MOB1B: variants seen among roughly 807,000 people sequenced by gnomAD.
MOB1B encodes the protein MOB kinase activator 1B, also known as MOB1 Mps One Binder homolog B.
In MOB1B, 19 loss-of-function variants were observed where a neutral mutation model predicts 24.4. That is an observed-to-expected ratio of 0.78 (90% CI 0.54 to 1.14). The LOEUF (loss-of-function observed/expected upper bound fraction) is 1.14, where lower values mean the gene tolerates loss of function less well. MOB1B is among the 50% of genes most tolerant of loss of function. MOB1B has a pLI of 0.00. For synonymous variants in MOB1B, 76 were observed against 82.1 expected, an observed-to-expected ratio of 0.93 and a Z score of 0.40; for missense variants, 243 against 259.6, an observed-to-expected ratio of 0.94 and a Z score of 0.44.
intron 1 of MOB1B, among the ~76,000 whole-genome samples, chr4:70,940,268 A>G (rs1208307369): frequency 6.6e-6 from 1 of 152,040 alleles, no homozygotes; most frequent in African/African-American, 2.4e-5. Context: ...ACCTAGGTCC[A>G]TGGGCACAGG....
chr4:70,976,640 AT>A (rs1230784715), intron 4 of MOB1B: 1 of 975,536 alleles, frequency 1.0e-6, no homozygotes, highest in Non-Finnish European at 1.2e-6. Context: ...TGAAAAAAAA[AT>A]GTGACAACAA....
intron 4 of MOB1B, chr4:70,976,531 A>G (rs1739003849): frequency 1.4e-5 from 14 of 985,206 alleles, no homozygotes; most frequent in Non-Finnish European, 1.7e-5. Context: ...TTAGATAGTC[A>G]TGTTTTTGCC....
At chr4:70,967,562 C>A (rs1738584565) in intron 2 of MOB1B, among the ~76,000 whole-genome samples, 1 of 151,978 alleles carries the variant, frequency 6.6e-6, no homozygotes, top group African/African-American at 2.4e-5. Context: ...TCTGAAAATC[C>A]CTTTTTGGAA....
intron 1 of MOB1B, among the ~76,000 whole-genome samples, chr4:70,919,182 T>A (rs2148872094): frequency 6.6e-6 from 1 of 151,956 alleles, no homozygotes; most frequent in East Asian, 1.9e-4. Flanking sequence ...CGGGGAGGGA[T>A]AGCATTAGGA....
intron 1 of MOB1B, among the ~76,000 whole-genome samples, chr4:70,948,045 T>G (rs1321092337): frequency 6.6e-6 from 1 of 152,236 alleles, no homozygotes; most frequent in African/African-American, 2.4e-5. Flanking sequence ...CTAGAAGTTT[T>G]ATAGTATTGT....
At chr4:70,925,889 C>T (rs1373277277) in intron 1 of MOB1B, among the ~76,000 whole-genome samples, 1 of 152,048 alleles carries the variant, frequency 6.6e-6, no homozygotes, top group Non-Finnish European at 1.5e-5. Context: ...GTTTTTTTCT[C>T]CTTCTGGATT....
In MOB1B at chr4:70,979,158, T is replaced by C. The variant is rs201445824; in HGVS notation, c.440T>C (p.Val147Ala). 235 of 1,613,662 alleles carry C rather than the reference T, an allele frequency of 1.5e-4. No homozygotes were observed. The highest frequency in any genetic ancestry group is 1.9e-4 in the Non-Finnish European group (226 of 1,179,774). Residue 147 changes from valine to alanine, a missense_variant, in exon 5 of 6, where the codon GTG becomes GCG. Val to Ala is a moderately conservative substitution (Grantham distance 64). Transcript: ENST00000309395. ...CCGTTCCCAAAGAATTTCATGTCTG[T>C]GGCAAAAACTATACTCAAACGCCTC... is the stretch of plus-strand genomic sequence containing the variant. ...GVPFPKNFMS[V>A]AKTILKRLFR...
intron 2 of MOB1B, among the ~76,000 whole-genome samples, chr4:70,966,177 C>T (rs1738524029): frequency 6.6e-6 from 1 of 152,004 alleles, no homozygotes; most frequent in African/African-American, 2.4e-5. Context: ...TGAATTGAAT[C>T]TAGTAACATT....
At chr4:70,935,213 A>G (rs1001478108) in intron 1 of MOB1B, among the ~76,000 whole-genome samples, 1 of 152,110 alleles carries the variant, frequency 6.6e-6, no homozygotes, top group African/African-American at 2.4e-5. Context: ...CCAACAAATG[A>G]CCCTATGTGG....
intron 1 of MOB1B, among the ~76,000 whole-genome samples, chr4:70,929,875 C>T (rs1027635623): frequency 5.9e-5 from 9 of 151,880 alleles, no homozygotes; most frequent in Non-Finnish European, 1.3e-4. Context: ...CCTTGTGATC[C>T]GCCCGCCTCG....
At chr4:70,948,251 T>C (rs1241994681) in intron 1 of MOB1B, among the ~76,000 whole-genome samples, 2 of 152,250 alleles carry the variant, frequency 1.3e-5, no homozygotes, top group African/African-American at 4.8e-5. Flanking sequence ...TCTATTTGTA[T>C]GGTCCACTGT....
intron 1 of MOB1B, among the ~76,000 whole-genome samples, chr4:70,920,218 TTCC>T (rs1220901129): frequency 2.0e-5 from 3 of 151,912 alleles, no homozygotes; most frequent in Admixed American, 6.6e-5. Flanking sequence ...CCTCTTCCTC[TTCC>T]TCCTCCTCCT....
intron 1 of MOB1B, among the ~76,000 whole-genome samples, chr4:70,912,301 A>T (rs1359628200): frequency 2.1e-5 from 3 of 145,050 alleles, no homozygotes; most frequent in Non-Finnish European, 4.5e-5. Flanking sequence ...TTTTTTTGAG[A>T]TGGAGTCTCA....
intron 1 of MOB1B, among the ~76,000 whole-genome samples, chr4:70,907,115 C>T (rs1175887974): frequency 6.6e-6 from 1 of 152,146 alleles, no homozygotes; most frequent in Admixed American, 6.5e-5. Flanking sequence ...TTCACTTCCA[C>T]GTTTGTGCAA....
chr4:70,920,413 TGG>T (rs1227545752), intron 1 of MOB1B, among the ~76,000 whole-genome samples: 1 of 152,018 alleles, frequency 6.6e-6, no homozygotes, highest in African/African-American at 2.4e-5. Context: ...TTAGTAGAGA[TGG>T]GGTTTTACCA....
At chr4:70,922,945 A>T (rs529266812) in intron 1 of MOB1B, among the ~76,000 whole-genome samples, 33 of 152,258 alleles carry the variant, frequency 2.2e-4, no homozygotes, top group South Asian at 1.2e-3. Flanking sequence ...ACTTTGCCCC[A>T]ATAGATAATC....
rs1560662795 is a variant in MOB1B, at chr4:70,970,002, C to G, written c.253C>G (p.Pro85Ala). The G allele has an allele frequency of 6.3e-7, 1 of 1,591,686 alleles. No homozygotes were observed. Among genetic ancestry groups the G allele is most frequent in the Non-Finnish European group, 8.6e-7 (1 of 1,165,706 alleles). The change falls in exon 3 of 6, where the codon CCA becomes GCA. Residue 85 changes from proline (P) to alanine (A), a missense_variant. Coordinates refer to ENST00000309395, the MANE Select transcript of MOB1B (RefSeq NM_173468.4). ...AGACTTCTGTACAGAAGAGAGTTGTCCAGTGATGTCAGCTGGCCCAAAGTA... is the reference window on the plus strand; with the variant it reads ...AGACTTCTGTACAGAAGAGAGTTGTGCAGTGATGTCAGCTGGCCCAAAGTA... ...ITDFCTEESCPVMSAGPKYEY... is the reference protein window; with the variant it reads ...ITDFCTEESCAVMSAGPKYEY...
chr4:70,913,319 GA>G (rs1253897022), intron 1 of MOB1B, among the ~76,000 whole-genome samples: 3 of 151,654 alleles, frequency 2.0e-5, no homozygotes, highest in Admixed American at 2.0e-4. Context: ...TATTTTTTGG[GA>G]TAGTCTCACT....
intron 1 of MOB1B, among the ~76,000 whole-genome samples, chr4:70,905,876 C>A (rs945306879): frequency 2.0e-5 from 3 of 150,854 alleles, no homozygotes; most frequent in Non-Finnish European, 3.0e-5. Flanking sequence ...CCAACCTGGA[C>A]AACATGGCGA....
Sources: allele counts gnomAD v4.1 joint callset (sites outside exome capture counted in the v4.1 genomes callset), GRCh38; gene constraint gnomAD v4.1.1; transcripts MANE v1.5; gene names NCBI Gene and HGNC (gene_info 2026-07-23, HGNC 2026-07-21).